Variants in PPP6R2 observed in about 807,000 individuals in gnomAD.
The protein encoded by PPP6R2 is protein phosphatase 6 regulatory subunit 2, also known as serine/threonine-protein phosphatase 6 regulatory subunit 2.
A neutral mutation model predicts 100.2 loss-of-function variants in PPP6R2; 62 were observed. The observed-to-expected ratio is 0.62, with a 90% CI of 0.50 to 0.76. PPP6R2 has a LOEUF of 0.76. Among genes scored for constraint, PPP6R2 ranks in the 30% least tolerant of loss-of-function variants. PPP6R2 has a pLI of 0.00. For missense variants in PPP6R2, 1,142 were observed against 1,276.3 expected (o/e 0.89, Z 1.60); for synonymous variants, 525 against 514.7 (o/e 1.02, Z -0.27).
intron 2 of PPP6R2, among the ~76,000 whole-genome samples, chr22:50,389,309 T>TAC (rs1005299370): frequency 6.6e-6 from 1 of 152,198 alleles, no homozygotes; most frequent in African/African-American, 2.4e-5. Context: ...TGAGGTCATG[T>TAC]AGGGAAGGAA....
At chr22:50,360,056 CTT>C (rs112866506) in intron 1 of PPP6R2, among the ~76,000 whole-genome samples, 15 of 137,974 alleles carry the variant, frequency 1.1e-4, no homozygotes, top group African/African-American at 2.2e-4. Context: ...CCTTTCAGCA[CTT>C]TTTTTTTTTT....
chr22:50,436,295 C>A (rs564188029), intron 13 of PPP6R2, 72 bp from the exon 14 acceptor site: 2 of 1,391,816 alleles, frequency 1.4e-6, no homozygotes, highest in African/African-American at 1.4e-5. Context: ...ATGCACCTGC[C>A]GGAGCCCCCG....
Position 50,423,878 on chromosome 22 carries a change from G to T in PPP6R2, c.1125+264G>T, listed in dbSNP as rs2061646386. ...AAGCAGAAGGCGGATTTCTAACCCG[G>T]TTTGATGGAATAGAGTGACACGTCT... is the stretch of plus-strand genomic sequence containing the variant. On this transcript the variant is annotated intron_variant, in intron 10 of 23. Transcript: ENST00000612753. The surrounding 1 kb of genome is among the most constrained non-coding windows in gnomAD (Gnocchi z 4.8). Among the ~76,000 whole-genome samples, 1 of 152,232 alleles carries T rather than the reference G, an allele frequency of 6.6e-6. No individual in the cohort carries two copies. The highest frequency in any genetic ancestry group is 6.5e-5 in the Admixed American group (1 of 15,286).
intron 4 of PPP6R2, among the ~76,000 whole-genome samples, chr22:50,409,629 T>C (rs2059460414): frequency 6.6e-6 from 1 of 152,230 alleles, no homozygotes. Flanking sequence ...GGTTTCACCA[T>C]GTTGGCCAGG....
Position 50,423,151 on chromosome 22 carries a change from C to G in PPP6R2, c.973-311C>G, listed in dbSNP as rs780308063. Among the ~76,000 whole-genome samples the G allele has an allele frequency of 3.9e-5, 6 of 152,164 alleles. No individual in the cohort carries two copies. Among genetic ancestry groups the G allele is most frequent in the Non-Finnish European group, 7.4e-5 (5 of 68,024 alleles). On this transcript the variant is annotated intron_variant, in intron 9 of 23. Transcript: ENST00000612753. This position sits in a 1 kb window ranked among gnomAD's most constrained non-coding sequence, Gnocchi z 4.8. ...CGTGCCAAGGGCTCTGGCCTTAGAC[C>G]GGTACTGCTGGCCCCATCTTGGACA... is the stretch of plus-strand genomic sequence containing the variant.
intron 2 of PPP6R2, among the ~76,000 whole-genome samples, chr22:50,378,923 G>A (rs941892462): frequency 5.3e-5 from 8 of 151,768 alleles, no homozygotes; most frequent in Admixed American, 2.0e-4. Context: ...AATATGATGA[G>A]GCCGTGAGGG....
intron 3 of PPP6R2, among the ~76,000 whole-genome samples, chr22:50,395,916 C>T (rs540387415): frequency 3.1e-4 from 47 of 150,176 alleles, no homozygotes; most frequent in Non-Finnish European, 5.8e-4. Context: ...AATCGAAGCT[C>T]GGGCATCGTG....
In PPP6R2 at chr22:50,368,083, A is replaced by T. The variant is rs191658942; in HGVS notation, c.-147-3937A>T. Reference sequence around the variant, plus strand: ...ATTATTTCTTCTATGCATTTCAAAGACGTTAGTACTTTCACTAATTCTGCT... The same window carrying T: ...ATTATTTCTTCTATGCATTTCAAAGTCGTTAGTACTTTCACTAATTCTGCT... On this transcript the variant is annotated intron_variant, in intron 1 of 23. Coordinates refer to ENST00000612753, the MANE Select transcript of PPP6R2 (RefSeq NM_001242898.2). 4.5e-3 allele frequency among the ~76,000 whole-genome samples: 691 copies of T among 152,294 alleles called. 3 individuals carry two copies. The highest frequency in any genetic ancestry group is 7.0e-3 in the Non-Finnish European group (477 of 68,012).
rs149487130 is a variant in PPP6R2 at position 50,430,365 on chromosome 22, C to T, written c.1126-808C>T. The stretch of plus-strand genomic sequence containing the variant: ...CACGCCTGCCCATCCTGGGTGGAAT[C>T]CTCATGTGCTTGAGAGTCTAACACA... On this transcript the variant is annotated intron_variant, in intron 10 of 23. Transcript: ENST00000612753. 6.6e-5 allele frequency among the ~76,000 whole-genome samples: 10 copies of T among 152,336 alleles called. No homozygotes were observed. In the East Asian group the frequency reaches 1.9e-3, roughly 29 times the overall value.
chr22:50,435,989 G>T (rs976822616), intron 13 of PPP6R2, among the ~76,000 whole-genome samples: 1 of 152,210 alleles, frequency 6.6e-6, no homozygotes, highest in Non-Finnish European at 1.5e-5. Context: ...CCTGTGAGGT[G>T]GGGGGAAGGA....
At chr22:50,341,304 C>G (rs2042365908), upstream of PPP6R2, among the ~76,000 whole-genome samples, 1 of 152,124 alleles carries the variant, frequency 6.6e-6, no homozygotes, top group African/African-American at 2.4e-5. Context: ...TACCTGGGCT[C>G]AGGCAATCCT....
At chr22:50,339,328 T>TGC (rs2042341970), upstream of PPP6R2, among the ~76,000 whole-genome samples, 1 of 113,844 alleles carries the variant, frequency 8.8e-6, no homozygotes, top group Non-Finnish European at 1.8e-5. Context: ...GTAGTGTGTG[T>TGC]GGTGTGTGTG....
At chr22:50,422,562 G>A (rs1016767137) in intron 9 of PPP6R2, among the ~76,000 whole-genome samples, 182 bp downstream of exon 9, 11 of 152,158 alleles carry the variant, frequency 7.2e-5, no homozygotes, top group Non-Finnish European at 7.4e-5. Flanking sequence ...ACATTTTCAG[G>A]ACTGCCCCTC....
upstream of PPP6R2, among the ~76,000 whole-genome samples, chr22:50,339,797 G>GTGTA (rs1491182665): frequency 1.2e-5 from 1 of 83,044 alleles, no homozygotes; most frequent in African/African-American, 8.1e-5. Flanking sequence ...TGGTGTGTGT[G>GTGTA]GGGTATGTGT....
At chr22:50,339,862 AGT>A (rs766261689), upstream of PPP6R2, among the ~76,000 whole-genome samples, 538 of 23,412 alleles carry the variant, frequency 0.023, 15 homozygotes, top group South Asian at 0.21. Flanking sequence ...TGTGGTATGT[AGT>A]GTGTGTGTGG....
intron 2 of PPP6R2, among the ~76,000 whole-genome samples, chr22:50,390,084 C>T (rs568958632): frequency 2.0e-5 from 3 of 146,874 alleles, no homozygotes; most frequent in Admixed American, 6.8e-5. Context: ...CTCTGCTTCT[C>T]GGGTTCAGGC....
chr22:50,401,389 A>G (rs1187040077), intron 3 of PPP6R2, among the ~76,000 whole-genome samples: 1 of 150,872 alleles, frequency 6.6e-6, no homozygotes, highest in Non-Finnish European at 1.5e-5. Context: ...TATATTTTTT[A>G]GTAGAGACGG....
chr22:50,394,021 A>C lies in PPP6R2; in HGVS notation c.113A>C (p.Lys38Thr). 6.2e-7 allele frequency: 1 copy of C among 1,614,200 alleles called. No individual in the cohort carries two copies. Among genetic ancestry groups the C allele is most frequent in the Non-Finnish European group, 8.5e-7 (1 of 1,180,036 alleles). ...MDEDDILQEC[K>T]AQNQKLLDFL... is the part of the protein sequence containing the mutation. ...GAAGATGACATCTTGCAGGAGTGTA[A>C]GGCTCAGAACCAGAAGCTGCTGGAC... The change falls in exon 3 of 24, where the codon AAG becomes ACG. Residue 38 changes from lysine to threonine, a missense_variant. By Grantham distance (78) the Lys-to-Thr change is moderately conservative (BLOSUM62 -1). Around this residue, in one of 2 missense-constraint regions of PPP6R2, gnomAD observed 592 missense variants for 758.9 expected, o/e 0.78. Coordinates refer to ENST00000612753, the MANE Select transcript of PPP6R2 (RefSeq NM_001242898.2).
chr22:50,440,958 G>A lies in PPP6R2; in HGVS notation c.2511G>A (p.Val837=). The A allele has an allele frequency of 1.2e-6, 2 of 1,613,032 alleles. No individual in the cohort carries two copies. The highest frequency in any genetic ancestry group is 1.7e-6 in the Non-Finnish European group (2 of 1,179,638). ...DQKAASAMDA[V]SRGPGREAPP... ...AGGCAGCGAGTGCCATGGATGCGGT[G>A]AGCAGGGGTCCCGGCCGGGAGGCCC... is the stretch of plus-strand genomic sequence containing the variant. The change falls in exon 22 of 24, where the codon GTG becomes GTA. Residue 837 remains valine (V), a synonymous_variant. Coordinates refer to ENST00000612753, the MANE Select transcript of PPP6R2 (RefSeq NM_001242898.2).
Sources: gnomAD v4.1 joint callset for allele counts (sites outside exome capture counted in the v4.1 genomes callset) on GRCh38, gnomAD v4.1.1 for gene constraint, gnomAD v4.1.1 regional missense constraint, Gnocchi (gnomAD v3.1) non-coding constraint, MANE v1.5 for transcripts, NCBI Gene and HGNC (gene_info 2026-07-23, HGNC 2026-07-21) for gene names.